Variants in AIF1L observed in about 807,000 individuals in gnomAD.
AIF1L encodes the protein allograft inflammatory factor 1 like, also known as allograft inflammatory factor 1-like.
AIF1L carries 12 observed loss-of-function variants against 20.7 expected under a neutral mutation model. The ratio of observed to expected loss-of-function variants is 0.58; its 90% confidence interval spans 0.37 to 0.94. The LOEUF (loss-of-function observed/expected upper bound fraction) is 0.94. Among genes scored for constraint, AIF1L ranks in the 40% least tolerant of loss-of-function variants. The pLI, the probability that AIF1L is intolerant of heterozygous loss-of-function variation, is 0.01. For missense variants in AIF1L, 173 were observed against 185.3 expected (o/e 0.93, Z 0.39); for synonymous variants, 76 against 65.1 (o/e 1.17, Z -0.81).
intron 2 of AIF1L, among the ~76,000 whole-genome samples, chr9:131,101,284 G>A (rs1249526469): frequency 6.6e-6 from 1 of 152,096 alleles, no homozygotes; most frequent in East Asian, 1.9e-4. Context: ...CCCCGCAACA[G>A]GGCACCCCAG....
chr9:131,111,308 A>G, intron 2 of AIF1L: 2 of 341,446 alleles, frequency 5.9e-6, no homozygotes, highest in Non-Finnish European at 5.4e-6. Context: ...GTCTTGGGGG[A>G]GGGGCACGGG....
chr9:131,106,367 G>A lies in AIF1L; in HGVS notation c.94-5230G>A. 3 of 878,510 alleles carry A rather than the reference G, an allele frequency of 3.4e-6. No individual in the cohort carries two copies. The South Asian group carries it at 4.4e-5, about 13-fold the overall frequency. 54.4% of individuals were successfully genotyped at this position (878,510 alleles called of 1,614,324 possible). On this transcript the variant is annotated intron_variant, in intron 2 of 5. Coordinates refer to ENST00000247291, the MANE Select transcript of AIF1L (RefSeq NM_031426.4). ...ACATTCTAGCCGGGGAGGCAGAGAG[G>A]GTGTAGTAACCTCAGTAAGCAGTGG...
chr9:131,111,475 A>C, intron 2 of AIF1L, 122 bp from the exon 3 acceptor site: 1 of 844,424 alleles, frequency 1.2e-6, no homozygotes, highest in Non-Finnish European at 1.9e-6. Context: ...TGAACAAGGG[A>C]CAAACTGGGT....
chr9:131,102,993 C>G (rs1272839517), intron 2 of AIF1L: 1 of 456,252 alleles, frequency 2.2e-6, no homozygotes, highest in African/African-American at 2.0e-5. Flanking sequence ...CTAGAGGTAC[C>G]AGCCCAGAAA....
Position 131,096,567 on chromosome 9 carries a change from GCCT to G in AIF1L, c.-55_-53del. Reference sequence around the variant, plus strand: ...GCCGGAGCCCGGACCAGGCGCCTGTGCCTCCTCCTCGTCCCTCGCCGCGTCCGC... The same window carrying G: ...GCCGGAGCCCGGACCAGGCGCCTGTGCCTCCTCGTCCCTCGCCGCGTCCGC... On this transcript the variant is annotated 5_prime_UTR_variant, in exon 1 of 6. Coordinates refer to ENST00000247291, the MANE Select transcript of AIF1L (RefSeq NM_031426.4). 6 of 1,479,058 alleles carry G rather than the reference GCCT, an allele frequency of 4.1e-6. No individual in the cohort carries two copies. Among genetic ancestry groups the G allele is most frequent in the Non-Finnish European group, 5.3e-6 (6 of 1,122,468 alleles). 91.6% of individuals were successfully genotyped at this position (1,479,058 alleles called of 1,614,324 possible).
rs1428886803 is a variant in AIF1L, at chr9:131,106,086, T to A, written c.94-5511T>A. 64 of 1,323,760 alleles carry A rather than the reference T, an allele frequency of 4.8e-5. No individual in the cohort carries two copies. In the Admixed American group the frequency reaches 1.4e-3, roughly 29 times the overall value. The allele number at this position is 1,323,760 out of a possible 1,614,324, so 82.0% of individuals were successfully genotyped here. The stretch of plus-strand genomic sequence containing the variant: ...CTCCCTCCTCGGGCTCCTCAACAGA[T>A]GTTTATTGAGTGTCTACGATATGCT... On this transcript the variant is annotated intron_variant, in intron 2 of 5. Coordinates refer to ENST00000247291, the MANE Select transcript of AIF1L (RefSeq NM_031426.4).
intron 2 of AIF1L, among the ~76,000 whole-genome samples, chr9:131,106,739 C>T (rs1172381831): frequency 3.3e-5 from 5 of 151,540 alleles, no homozygotes; most frequent in African/African-American, 9.7e-5. Flanking sequence ...GAGCTGTGAT[C>T]GTGCCAACAA....
chr9:131,100,413 C>T (rs1004466413), intron 2 of AIF1L, among the ~76,000 whole-genome samples: 5 of 152,356 alleles, frequency 3.3e-5, no homozygotes, highest in African/African-American at 9.6e-5. Flanking sequence ...TGCGAATGCT[C>T]TCTCTAACCC....
intron 2 of AIF1L, among the ~76,000 whole-genome samples, chr9:131,109,196 G>GTGAA (rs34767506): frequency 1.5e-3 from 10 of 6,584 alleles, no homozygotes; most frequent in African/African-American, 2.2e-3. Flanking sequence ...TGTTGAATGA[G>GTGAA]TGAATGAATG....
At position 131,101,132 on chromosome 9, in the gene AIF1L, G is replaced by A. The variant is rs183280224; in HGVS notation, c.93+4269G>A. On this transcript the variant is annotated intron_variant, in intron 2 of 5. Transcript: ENST00000247291. ...AGGCTGGTCTCAAACCCCTGACCTC[G>A]TGATCCGCCCCCCTCGGCCTCCCAA... 5.3e-5 allele frequency among the ~76,000 whole-genome samples: 8 copies of A among 152,028 alleles called. No homozygotes were observed. In the East Asian group the frequency reaches 1.4e-3, roughly 26 times the overall value.
intron 2 of AIF1L, among the ~76,000 whole-genome samples, chr9:131,101,269 G>A (rs1229547197): frequency 6.6e-6 from 1 of 152,078 alleles, no homozygotes; most frequent in African/African-American, 2.4e-5. Flanking sequence ...TCATCATCTC[G>A]CTGACCCCGC....
At chr9:131,119,501 CA>C (rs1200872565) in intron 5 of AIF1L, among the ~76,000 whole-genome samples, 2 of 28,780 alleles carry the variant, frequency 6.9e-5, no homozygotes, top group Non-Finnish European at 1.5e-4. Flanking sequence ...AACTCTGTCT[CA>C]AAAGAAAAAA....
At chr9:131,114,321 C>G in intron 3 of AIF1L, 1 of 471,958 alleles carries the variant, frequency 2.1e-6, no homozygotes, top group Non-Finnish European at 3.9e-6. Context: ...AGCTGCCCTC[C>G]TGGTAAGAGG....
intron 2 of AIF1L, among the ~76,000 whole-genome samples, chr9:131,109,211 AAT>A (rs1830820511): frequency 6.9e-6 from 1 of 144,130 alleles, no homozygotes; most frequent in Non-Finnish European, 1.5e-5. Context: ...TGAATGAATG[AAT>A]GAATGAATGA....
Position 131,121,267 on chromosome 9 carries a change from C to T in AIF1L, c.*945C>T. On this transcript the variant is annotated 3_prime_UTR_variant, in exon 6 of 6. Coordinates refer to ENST00000247291, the MANE Select transcript of AIF1L (RefSeq NM_031426.4). ...CTGCTTCTCTCATTTGTCTTCCTACCCTACTCACATAATTCACTCATTGAC... is the reference window on the plus strand; with the variant it reads ...CTGCTTCTCTCATTTGTCTTCCTACTCTACTCACATAATTCACTCATTGAC... 1 of 603,402 alleles carries T rather than the reference C, an allele frequency of 1.7e-6. No homozygotes were observed. Among genetic ancestry groups the T allele is most frequent in the Non-Finnish European group, 3.0e-6 (1 of 328,634 alleles). The allele number at this position is 603,402 out of a possible 1,614,324, so 37.4% of individuals were successfully genotyped here.
intron 2 of AIF1L, 44 bp downstream of exon 2, chr9:131,096,907 G>C (rs1271470292): frequency 2.0e-6 from 3 of 1,493,376 alleles, no homozygotes; most frequent in Admixed American, 2.4e-5. Context: ...CGAGCCGCGC[G>C]CTGCGCGGGT....
chr9:131,120,739 C>A lies in AIF1L; in HGVS notation c.*417C>A. On this transcript the variant is annotated 3_prime_UTR_variant, in exon 6 of 6. Coordinates refer to ENST00000247291, the MANE Select transcript of AIF1L (RefSeq NM_031426.4). ...GGACCCCAGGCCACTCTGAGAAGAC[C>A]TTGGAGTAGGGACAAGGCTGCAGGG... 1 of 313,592 alleles carries A rather than the reference C, an allele frequency of 3.2e-6. No individual in the cohort carries two copies. Among genetic ancestry groups the A allele is most frequent in the Non-Finnish European group, 5.8e-6 (1 of 171,350 alleles). 19.4% of individuals were successfully genotyped at this position (313,592 alleles called of 1,614,324 possible). A position where few individuals can be genotyped will look rare whatever the true frequency, so the allele number is the denominator to read the frequency against.
At position 131,103,033 on chromosome 9, in the gene AIF1L, T is replaced by C. The variant is rs744303; in HGVS notation, c.93+6170T>C. On this transcript the variant is annotated intron_variant, in intron 2 of 5. Transcript: ENST00000247291. Reference sequence around the variant, plus strand: ...GTTAAGTCAGCGAGGAGCAGGCAGGTGGGAGGGCTTCTGAGGACAGGCACG... The same window carrying C: ...GTTAAGTCAGCGAGGAGCAGGCAGGCGGGAGGGCTTCTGAGGACAGGCACG... 6.8e-3 allele frequency: 3,111 copies of C among 455,440 alleles called. 88 individuals are homozygous for C. Among genetic ancestry groups the C allele is most frequent in the African/African-American group, 0.058 (2,898 of 50,102 alleles). The allele number at this position is 455,440 out of a possible 1,614,324, so 28.2% of individuals were successfully genotyped here.
At chr9:131,119,795 C>T (rs1034600572) in intron 5 of AIF1L, among the ~76,000 whole-genome samples, 1 of 152,174 alleles carries the variant, frequency 6.6e-6, no homozygotes, top group Non-Finnish European at 1.5e-5. Flanking sequence ...TAGGCAGTTG[C>T]CCTAGAGGTT....
Sources: allele counts gnomAD v4.1 joint callset (sites outside exome capture counted in the v4.1 genomes callset), GRCh38; gene constraint gnomAD v4.1.1; transcripts MANE v1.5; gene names NCBI Gene and HGNC (gene_info 2026-07-23, HGNC 2026-07-21).